Variants in DBT observed in about 807,000 individuals in gnomAD.
DBT encodes the protein dihydrolipoamide branched chain transacylase E2.
In DBT, 40 loss-of-function variants were observed where a neutral mutation model predicts 51.3. The ratio of observed to expected loss-of-function variants is 0.78; its 90% CI spans 0.61 to 1.02. DBT has a LOEUF of 1.02. Among genes scored for constraint, DBT ranks in the 50% least tolerant of loss-of-function variants. The probability of loss-of-function intolerance (pLI) is 0.00; values close to 1 mark genes in which losing one functional copy is unlikely to be tolerated. For missense variants in DBT, 510 were observed against 580.2 expected, an observed-to-expected ratio of 0.88 and a Z score of 1.24; for synonymous variants, 181 against 190.4, an observed-to-expected ratio of 0.95 and a Z score of 0.41.
chr1:100,248,154 G>A (rs1664663665), intron 1 of DBT, among the ~76,000 whole-genome samples: 1 of 151,780 alleles, frequency 6.6e-6, no homozygotes, highest in Admixed American at 6.6e-5. Context: ...TGCTAGCCGG[G>A]GCCATGTAAC....
chr1:100,214,831 G>A lies in DBT; in HGVS notation c.925C>T (p.Pro309Ser), dbSNP rs1207516749. The change falls in exon 7 of 11, where the codon CCT becomes TCT. Residue 309 changes from proline to serine, a missense_variant. Physicochemically the swap from Pro to Ser is moderately conservative, Grantham distance 74 (BLOSUM62 -1). Coordinates refer to ENST00000370132, the MANE Select transcript of DBT (RefSeq NM_001918.5). ...FARGIKLSFM[P>S]FFLKAASLGL... ...ATGAATCTCACCTTTAAGAAGAAAG[G>A]CATAAAGGAGAGTTTAATTCCACGA... The A allele has an allele frequency of 1.2e-6, 2 of 1,613,852 alleles. No homozygotes were observed. The highest frequency in any genetic ancestry group is 2.2e-5 in the South Asian group (2 of 91,064).
In DBT at chr1:100,190,384, G is replaced by A. The variant is rs1357537890; in HGVS notation, c.*5871C>T. On this transcript the variant is annotated 3_prime_UTR_variant, in exon 11 of 11. Transcript: ENST00000370132. ...CAACCCATATACCCATATTCTAATAGTTACAAATAAATGACATGGCTCTAC... is the reference window on the plus strand; with the variant it reads ...CAACCCATATACCCATATTCTAATAATTACAAATAAATGACATGGCTCTAC... 6.6e-6 allele frequency: 1 copy of A among 152,196 alleles called. No individual in the cohort carries two copies. Among genetic ancestry groups the A allele is most frequent in the African/African-American group, 2.4e-5 (1 of 41,444 alleles). The allele number at this position is 152,196 out of a possible 1,614,324, so 9.4% of individuals were successfully genotyped here. A position where few individuals can be genotyped will look rare whatever the true frequency, so the allele number is the denominator to read the frequency against.
chr1:100,213,280 G>T, intron 7 of DBT: 2 of 1,373,286 alleles, frequency 1.5e-6, no homozygotes, highest in Non-Finnish European at 1.9e-6. Context: ...CGACAGAGCC[G>T]AGCCGGGCCG....
intron 4 of DBT, among the ~76,000 whole-genome samples, chr1:100,225,991 G>A (rs2100818176): frequency 6.6e-6 from 1 of 152,174 alleles, no homozygotes; most frequent in Admixed American, 6.5e-5. Context: ...AAGACCCCAT[G>A]TCAAAAAACA....
At chr1:100,204,001 A>C (rs1472912973) in intron 10 of DBT, among the ~76,000 whole-genome samples, 1 of 152,230 alleles carries the variant, frequency 6.6e-6, no homozygotes, top group East Asian at 1.9e-4. Flanking sequence ...TATTATACTG[A>C]ATGGGCAAAA....
intron 4 of DBT, among the ~76,000 whole-genome samples, chr1:100,222,108 C>T (rs551894570): frequency 3.9e-5 from 6 of 152,218 alleles, no homozygotes; most frequent in African/African-American, 9.6e-5. Flanking sequence ...ATTAAAACAG[C>T]GAATTCAATC....
intron 2 of DBT, among the ~76,000 whole-genome samples, chr1:100,238,809 T>A (rs1335781670): frequency 6.6e-6 from 1 of 152,032 alleles, no homozygotes; most frequent in African/African-American, 2.4e-5. Flanking sequence ...ATGGAGTTGG[T>A]GAGAGATGTG....
At chr1:100,199,321 C>T (rs1661295226) in intron 10 of DBT, among the ~76,000 whole-genome samples, 1 of 152,186 alleles carries the variant, frequency 6.6e-6, no homozygotes, top group African/African-American at 2.4e-5. Flanking sequence ...CCAGTGATTC[C>T]TGAGCAAAGA....
chr1:100,232,027 G>C (rs1039033457), intron 3 of DBT, among the ~76,000 whole-genome samples: 1 of 152,156 alleles, frequency 6.6e-6, no homozygotes, highest in African/African-American at 2.4e-5. Context: ...CTTTATGATG[G>C]TGTAAAAGCA....
Position 100,214,702 on chromosome 1 carries a change from C to T in DBT, c.939+115G>A, listed in dbSNP as rs990242470. ...CCGGAAGGTGGAGGTTGCAGTGAGC[C>T]GAGATTGTGCCATTGCACTCCAGCC... On this transcript the variant is annotated intron_variant, in intron 7 of 10. Transcript: ENST00000370132. 1.9e-5 allele frequency: 20 copies of T among 1,040,248 alleles called. No individual in the cohort carries two copies. The East Asian group carries it at 3.3e-4, about 17-fold the overall frequency. The allele number at this position is 1,040,248 out of a possible 1,614,324, so 64.4% of individuals were successfully genotyped here.
At chr1:100,243,666 C>A (rs1009789587) in intron 1 of DBT, among the ~76,000 whole-genome samples, 1 of 152,004 alleles carries the variant, frequency 6.6e-6, no homozygotes, top group African/African-American at 2.4e-5. Context: ...GGAACATACA[C>A]GTTAGCCCTC....
intron 2 of DBT, among the ~76,000 whole-genome samples, chr1:100,238,484 T>TTCTTC (rs1157814556): frequency 1.3e-5 from 2 of 151,536 alleles, no homozygotes; most frequent in Non-Finnish European, 2.9e-5. Flanking sequence ...TTCTTCTCTT[T>TTCTTC]TCTTCTCTTC....
chr1:100,222,234 A>G (rs1557952258), intron 4 of DBT, among the ~76,000 whole-genome samples: 1 of 152,238 alleles, frequency 6.6e-6, no homozygotes, highest in Non-Finnish European at 1.5e-5. Context: ...GTTAGATGGT[A>G]CACTACATTA....
Position 100,190,515 on chromosome 1 carries a change from A to G in DBT, c.*5740T>C, listed in dbSNP as rs1418906319. 4 of 152,260 alleles carry G rather than the reference A, an allele frequency of 2.6e-5. No individual in the cohort carries two copies. Among genetic ancestry groups the G allele is most frequent in the Admixed American group, 6.5e-5 (1 of 15,284 alleles). 9.4% of individuals were successfully genotyped at this position (152,260 alleles called of 1,614,324 possible). ...GGGATCAGTCTCTAATACCTCCTCC[A>G]TAAGGAAATGGAAATAAATTTTAAT... On this transcript the variant is annotated 3_prime_UTR_variant, in exon 11 of 11. Coordinates refer to ENST00000370132, the MANE Select transcript of DBT (RefSeq NM_001918.5).
rs774376494 is a variant in DBT at position 100,206,320 on chromosome 1, AAAAG to A, written c.1210-23_1210-20del. 2.5e-6 allele frequency: 4 copies of A among 1,605,836 alleles called. No homozygotes were observed. The South Asian group carries it at 3.3e-5, about 13-fold the overall frequency. The stretch of plus-strand genomic sequence containing the variant: ...CACCAATCTATTTTTTAAAAAAAAA[AAAAG>A]GAGAGTATTAAAAGTTAAGATTTTT... On this transcript the variant is annotated intron_variant, in intron 9 of 10. Coordinates refer to ENST00000370132, the MANE Select transcript of DBT (RefSeq NM_001918.5).
At chr1:100,227,192 G>A (rs1252763961) in intron 4 of DBT, among the ~76,000 whole-genome samples, 1 of 152,134 alleles carries the variant, frequency 6.6e-6, no homozygotes, top group Non-Finnish European at 1.5e-5. Flanking sequence ...ATAATCTTAT[G>A]GGACCACTGT....
rs1442966000 is a variant in DBT, at chr1:100,190,721, CAAAA to C, written c.*5530_*5533del. The C allele has an allele frequency of 6.6e-6, 1 of 152,052 alleles. No individual in the cohort carries two copies. Among genetic ancestry groups the C allele is most frequent in the South Asian group, 2.1e-4 (1 of 4,812 alleles). 9.4% of individuals were successfully genotyped at this position (152,052 alleles called of 1,614,324 possible). On this transcript the variant is annotated 3_prime_UTR_variant, in exon 11 of 11. Transcript: ENST00000370132. ...GAGAACCACTTCTCGGAAAGAGAAA[CAAAA>C]AGAAAGTGTGAGAATAGAAATTTTG...
rs556913110 is a variant in DBT at position 100,195,960 on chromosome 1, C to T, written c.*295G>A. The T allele has an allele frequency of 1.7e-4, 66 of 397,912 alleles. No homozygotes were observed. Among genetic ancestry groups the T allele is most frequent in the Non-Finnish European group, 2.8e-4 (59 of 213,508 alleles). 24.6% of individuals were successfully genotyped at this position (397,912 alleles called of 1,614,324 possible). ...GATTACAGGCGTGAGCCACCATGCC[C>T]GGCCTAATTTTGTTAATCTTGCCAG... On this transcript the variant is annotated 3_prime_UTR_variant, in exon 11 of 11. Transcript: ENST00000370132.
At position 100,249,779 on chromosome 1, in the gene DBT, C is replaced by G; in HGVS notation, c.42G>C (p.Ala14=). ...GCCCAAACGTGCTTACCAGCTTCCC[C>G]GCATTCCTGCTCCAGGTTCTCAGCA... ...VRMLRTWSRN[A]GKLICVRYFQ... is the part of the protein sequence containing the mutation. Residue 14 remains alanine (A), a synonymous_variant, in exon 1 of 11, where the codon GCG becomes GCC. Transcript: ENST00000370132. 2.5e-6 allele frequency: 4 copies of G among 1,614,196 alleles called. No homozygotes were observed. Among genetic ancestry groups the G allele is most frequent in the Non-Finnish European group, 3.4e-6 (4 of 1,179,992 alleles).
Sources: allele counts gnomAD v4.1 joint callset (sites outside exome capture counted in the v4.1 genomes callset), GRCh38; gene constraint gnomAD v4.1.1; transcripts MANE v1.5; gene names NCBI Gene and HGNC (gene_info 2026-07-23, HGNC 2026-07-21).